The following VEZT variants were observed in gnomAD, a reference collection of about 807,000 sequenced individuals.
The protein encoded by VEZT is vezatin, adherens junctions transmembrane protein.
A neutral mutation model predicts 79.9 loss-of-function variants in VEZT; 39 were observed. That is an observed-to-expected ratio of 0.49 (90% CI 0.38 to 0.64). The LOEUF is 0.64. Among genes scored for constraint, VEZT ranks in the 30% least tolerant of loss-of-function variants. The pLI is 0.00. For synonymous variants in VEZT, 325 were observed against 327.6 expected, an observed-to-expected ratio of 0.99 and a Z score of 0.09; for missense variants, 837 against 893.1, an observed-to-expected ratio of 0.94 and a Z score of 0.80.
rs760202004 is a variant in VEZT, at chr12:95,300,467, C to T, written c.2134C>T (p.Pro712Ser). Residue 712 changes from proline (P) to serine (S), a missense_variant, in exon 12 of 12, where the codon CCA becomes TCA. Coordinates refer to ENST00000436874, the MANE Select transcript of VEZT (RefSeq NM_017599.4). ...ADGSGLTTAP[P>S]TPRDSLQPSI... Reference sequence around the variant, plus strand: ...TGGAAGTGGTCTGACCACTGCCCCTCCAACTCCCAGGGACTCATTACAGCC... The same window carrying T: ...TGGAAGTGGTCTGACCACTGCCCCTTCAACTCCCAGGGACTCATTACAGCC... The T allele has an allele frequency of 6.2e-5, 100 of 1,613,882 alleles. No individual in the cohort carries two copies. Among genetic ancestry groups the T allele is most frequent in the Non-Finnish European group, 8.0e-5 (94 of 1,179,898 alleles).
chr12:95,229,299 A>G (rs564973195), intron 1 of VEZT, among the ~76,000 whole-genome samples: 22 of 152,346 alleles, frequency 1.4e-4, no homozygotes, highest in African/African-American at 5.1e-4. Flanking sequence ...TCAAGCTATG[A>G]CACACACAGT....
chr12:95,287,523 G>A, intron 8 of VEZT, 141 bp from the exon 9 acceptor site: 1 of 676,566 alleles, frequency 1.5e-6, no homozygotes, highest in Non-Finnish European at 2.2e-6. Context: ...AGCTGGTTTT[G>A]AACTCCTGAG....
At chr12:95,284,390 C>T (rs1399937198) in intron 8 of VEZT, among the ~76,000 whole-genome samples, 5 of 151,974 alleles carry the variant, frequency 3.3e-5, no homozygotes, top group Non-Finnish European at 7.4e-5. Flanking sequence ...CATGTGGAAC[C>T]ATATTGTCTC....
chr12:95,289,089 A>AAAATAAAT lies in VEZT; in HGVS notation c.1522+1268_1522+1275dup, dbSNP rs55667589. On this transcript the variant is annotated intron_variant, in intron 9 of 11. Coordinates refer to ENST00000436874, the MANE Select transcript of VEZT (RefSeq NM_017599.4). ...AGAGCGAGACTCCGTCTCAAAAAAA[A>AAAATAAAT]AAATAAATAAATAAATAAATAAATA... 1.4e-3 allele frequency among the ~76,000 whole-genome samples: 138 copies of AAAATAAAT among 101,708 alleles called. 2 individuals are homozygous for AAAATAAAT. In the East Asian group the frequency reaches 0.019, roughly 14 times the overall value. The allele number at this position is 101,708 out of a possible 152,430, so 66.7% of individuals were successfully genotyped here.
chr12:95,239,604 T>G (rs2060615725), intron 1 of VEZT, among the ~76,000 whole-genome samples: 2 of 152,112 alleles, frequency 1.3e-5, no homozygotes, highest in Non-Finnish European at 2.9e-5. Context: ...GGAGAGAGTC[T>G]CAAGGGTGCA....
Position 95,300,769 on chromosome 12 carries a change from A to G in VEZT, c.*96A>G, listed in dbSNP as rs1594320606. 7.2e-7 allele frequency: 1 copy of G among 1,398,462 alleles called. No homozygotes were observed. The highest frequency in any genetic ancestry group is 2.5e-5 in the East Asian group (1 of 39,242). 86.6% of individuals were successfully genotyped at this position (1,398,462 alleles called of 1,614,324 possible). A position where few individuals can be genotyped will look rare whatever the true frequency, so the allele number is the denominator to read the frequency against. ...GGGAATATGAGTGTAAGTTTACTAT[A>G]TATAAAGCTAAGATGTGGATTTACA... On this transcript the variant is annotated 3_prime_UTR_variant, in exon 12 of 12. Transcript: ENST00000436874.
intron 1 of VEZT, chr12:95,242,429 C>G (rs61937956): frequency 0.11 from 17,035 of 153,056 alleles, 1,390 homozygotes; most frequent in African/African-American, 0.23. Context: ...GTTTTGTTTT[C>G]TTTTCTTTTT....
intron 1 of VEZT, among the ~76,000 whole-genome samples, chr12:95,223,814 G>C (rs996877816): frequency 1.3e-5 from 2 of 152,016 alleles, no homozygotes; most frequent in African/African-American, 4.8e-5. Context: ...TTTGTTTGTG[G>C]TTTTAAATTT....
At position 95,296,075 on chromosome 12, in the gene VEZT, A is replaced by G. The variant is rs1306845057; in HGVS notation, c.1648A>G (p.Ile550Val). The change falls in exon 11 of 12, where the codon ATA (isoleucine) becomes GTA (valine). Residue 550 changes from isoleucine (I) to valine (V), a missense_variant. Physicochemically the swap from Ile to Val is conservative, Grantham distance 29. Transcript: ENST00000436874. ...EQELEAYVDD[I>V]DIDSDFRKDD... ...GGAATTAGAAGCTTATGTAGATGAT[A>G]TAGATATTGATAGTGATTTCAGAAA... 1.3e-6 allele frequency: 2 copies of G among 1,554,374 alleles called. No individual in the cohort carries two copies. The highest frequency in any genetic ancestry group is 1.7e-6 in the Non-Finnish European group (2 of 1,147,918).
At chr12:95,234,078 G>A (rs148048270) in intron 1 of VEZT, among the ~76,000 whole-genome samples, 1 of 152,170 alleles carries the variant, frequency 6.6e-6, no homozygotes, top group Non-Finnish European at 1.5e-5. Flanking sequence ...TAAAAATTGT[G>A]TCTTTGTTTC....
chr12:95,239,867 A>C (rs192419285), intron 1 of VEZT, among the ~76,000 whole-genome samples: 1 of 151,798 alleles, frequency 6.6e-6, no homozygotes, highest in Admixed American at 6.6e-5. Context: ...CAGGAAAATC[A>C]CTTGAACCTG....
In VEZT at chr12:95,274,866, G is replaced by GT. The variant is rs1212579057; in HGVS notation, c.973_974insT (p.Gly325ValfsTer52). ...AGAGGAAGCACATAACTTTACAGAT[G>GT]GCTTCAGCCTGCCTGCATTGAAGGT... On this transcript the variant is annotated frameshift_variant, in exon 7 of 12. Transcript: ENST00000436874. LOFTEE classifies it high-confidence loss of function. The GT allele has an allele frequency of 1.9e-6, 3 of 1,613,516 alleles. No individual in the cohort carries two copies. Among genetic ancestry groups the GT allele is most frequent in the Non-Finnish European group, 2.5e-6 (3 of 1,179,706 alleles).
rs1013859762 is a variant in VEZT at position 95,301,765 on chromosome 12, G to A, written c.*1092G>A. The A allele has an allele frequency of 2.0e-5, 3 of 152,160 alleles. No homozygotes were observed. Among genetic ancestry groups the A allele is most frequent in the Admixed American group, 2.0e-4 (3 of 15,282 alleles). 9.4% of individuals were successfully genotyped at this position (152,160 alleles called of 1,614,324 possible). On this transcript the variant is annotated 3_prime_UTR_variant, in exon 12 of 12. Coordinates refer to ENST00000436874, the MANE Select transcript of VEZT (RefSeq NM_017599.4). ...TAGTAATAACTCAATCTATGTTGCT[G>A]TCCTAGAAAGGAAATTGCATGATGA...
chr12:95,284,565 A>G (rs761757666), intron 8 of VEZT, among the ~76,000 whole-genome samples: 1 of 152,206 alleles, frequency 6.6e-6, no homozygotes, highest in Non-Finnish European at 1.5e-5. Context: ...AAAACATACT[A>G]TAGAAGGGTT....
At chr12:95,290,330 A>T (rs1030490217) in intron 9 of VEZT, among the ~76,000 whole-genome samples, 1 of 152,244 alleles carries the variant, frequency 6.6e-6, no homozygotes, top group Non-Finnish European at 1.5e-5. Flanking sequence ...CAAGAAATAT[A>T]AAAACTTAGT....
chr12:95,235,792 G>A (rs2060048831), intron 1 of VEZT, among the ~76,000 whole-genome samples: 1 of 151,834 alleles, frequency 6.6e-6, no homozygotes, highest in African/African-American at 2.4e-5. Flanking sequence ...GGTGGCTGCC[G>A]GGCAGAGGGG....
chr12:95,265,192 A>C (rs17271913), intron 4 of VEZT, among the ~76,000 whole-genome samples: 17,160 of 151,734 alleles, frequency 0.11, 1,266 homozygotes, highest in Non-Finnish European at 0.16. Flanking sequence ...ATTTTCACCA[A>C]AGCATTCATT....
chr12:95,252,702 C>A (rs189613215), intron 2 of VEZT, among the ~76,000 whole-genome samples: 1 of 152,184 alleles, frequency 6.6e-6, no homozygotes, highest in Non-Finnish European at 1.5e-5. Context: ...CGGTGGCTCA[C>A]GCCTGTAATC....
rs534962512 is a variant in VEZT, at chr12:95,226,351, T to TTGGTAAAGATAG, written c.36+8465_36+8466insTGGTAAAGATAG. ...GAACAAGCCAAGCCAATTTACCATA[T>TTGGTAAAGATAG]CTATCTTAGGGCTGAACCTCTCTTC... On this transcript the variant is annotated intron_variant, in intron 1 of 11. Coordinates refer to ENST00000436874, the MANE Select transcript of VEZT (RefSeq NM_017599.4). 1.9e-4 allele frequency among the ~76,000 whole-genome samples: 29 copies of TTGGTAAAGATAG among 151,936 alleles called. No homozygotes were observed. The South Asian group carries it at 6.0e-3, about 32-fold the overall frequency.
Sources: allele counts gnomAD v4.1 joint callset (sites outside exome capture counted in the v4.1 genomes callset), GRCh38; gene constraint gnomAD v4.1.1; transcripts MANE v1.5; gene names NCBI Gene and HGNC (gene_info 2026-07-23, HGNC 2026-07-21).